Variants in ZFPM2 observed in about 807,000 individuals in gnomAD.
The protein encoded by ZFPM2 is zinc finger protein ZFPM2.
Under a neutral mutation model 98.6 loss-of-function variants are expected in ZFPM2, and 20 were observed. The ratio of observed to expected loss-of-function variants is 0.20; its 90% confidence interval spans 0.14 to 0.29. The LOEUF (loss-of-function observed/expected upper bound fraction) is 0.29. Among genes scored for constraint, ZFPM2 ranks in the 10% least tolerant of loss-of-function variants. The pLI is 1.00. For missense variants in ZFPM2, 1,310 were observed against 1,388.6 expected, an observed-to-expected ratio of 0.94 and a Z score of 0.90; for synonymous variants, 518 against 502.7, an observed-to-expected ratio of 1.03 and a Z score of -0.41.
At chr8:105,523,943 G>T (rs1382844814) in intron 3 of ZFPM2, among the ~76,000 whole-genome samples, 1 of 152,126 alleles carries the variant, frequency 6.6e-6, no homozygotes, top group Non-Finnish European at 1.5e-5. Context: ...CTGCCCATGT[G>T]CAAGTCCTGA....
At chr8:105,414,605 CCT>C (rs891426548) in intron 1 of ZFPM2, among the ~76,000 whole-genome samples, 3 of 151,732 alleles carry the variant, frequency 2.0e-5, no homozygotes, top group Non-Finnish European at 4.4e-5. Flanking sequence ...CGCATCCCCC[CCT>C]TTTTTTTTTC....
chr8:105,527,008 A>G (rs34013567), intron 3 of ZFPM2, among the ~76,000 whole-genome samples: 21,092 of 152,122 alleles, frequency 0.14, 1,608 homozygotes, highest in Non-Finnish European at 0.18. Flanking sequence ...AGCAGCATGT[A>G]TTTCCTAGGG....
rs180959844 is a variant in ZFPM2 at position 105,388,286 on chromosome 8, C to G, written c.41-30858C>G. ...GGGGAACAACTCATACCATTAGTGA[C>G]AGTAAAAAAGGAAAGAGAAGAAGAA... On this transcript the variant is annotated intron_variant, in intron 1 of 7. Coordinates refer to ENST00000407775, the MANE Select transcript of ZFPM2 (RefSeq NM_012082.4). Among the ~76,000 whole-genome samples the G allele has an allele frequency of 4.1e-5, 6 of 146,018 alleles. No individual in the cohort carries two copies. The East Asian group carries it at 1.2e-3, about 29-fold the overall frequency.
chr8:105,358,146 C>A (rs906380550), intron 1 of ZFPM2, among the ~76,000 whole-genome samples: 1 of 152,082 alleles, frequency 6.6e-6, no homozygotes, highest in Non-Finnish European at 1.5e-5. Flanking sequence ...TGTTATATCA[C>A]CCCTGGAGAT....
intron 5 of ZFPM2, among the ~76,000 whole-genome samples, chr8:105,651,196 C>T (rs1191872794): frequency 6.6e-6 from 1 of 151,990 alleles, no homozygotes; most frequent in Non-Finnish European, 1.5e-5. Context: ...TATGTATTTT[C>T]CTTTGACTAC....
At chr8:105,777,066 T>C (rs1301128038) in intron 5 of ZFPM2, among the ~76,000 whole-genome samples, 1 of 152,180 alleles carries the variant, frequency 6.6e-6, no homozygotes, top group Non-Finnish European at 1.5e-5. Flanking sequence ...CCACATGGGT[T>C]AGTCAAGTTT....
chr8:105,649,037 G>A (rs1175326195), intron 5 of ZFPM2, among the ~76,000 whole-genome samples: 1 of 152,096 alleles, frequency 6.6e-6, no homozygotes, highest in African/African-American at 2.4e-5. Flanking sequence ...ATTTGTTTGT[G>A]TCCTCTTTTA....
At chr8:105,632,529 G>T (rs1297664405) in intron 4 of ZFPM2, among the ~76,000 whole-genome samples, 1 of 152,016 alleles carries the variant, frequency 6.6e-6, no homozygotes, top group African/African-American at 2.4e-5. Flanking sequence ...AGCAAAATAT[G>T]CATCATTAGG....
At chr8:105,552,123 T>G (rs1471596535) in intron 3 of ZFPM2, among the ~76,000 whole-genome samples, 1 of 152,220 alleles carries the variant, frequency 6.6e-6, no homozygotes, top group East Asian at 1.9e-4. Context: ...TATTTCTTCC[T>G]ATCTTGTCAT....
chr8:105,673,563 T>A (rs1817636957), intron 5 of ZFPM2, among the ~76,000 whole-genome samples: 1 of 152,094 alleles, frequency 6.6e-6, no homozygotes, highest in African/African-American at 2.4e-5. Flanking sequence ...AAATTACATT[T>A]CCTTCCTTTG....
chr8:105,549,313 T>C (rs565578150), intron 3 of ZFPM2, among the ~76,000 whole-genome samples: 31 of 152,300 alleles, frequency 2.0e-4, no homozygotes, highest in Middle Eastern at 3.4e-3. Context: ...ATGTGTGATA[T>C]AGATGTATTT....
At chr8:105,585,420 T>C (rs988627361) in intron 4 of ZFPM2, among the ~76,000 whole-genome samples, 6 of 152,234 alleles carry the variant, frequency 3.9e-5, no homozygotes, top group African/African-American at 1.4e-4. Flanking sequence ...ACTTATTATT[T>C]GTCTGAAATG....
At chr8:105,752,505 T>G (rs1287633108) in intron 5 of ZFPM2, among the ~76,000 whole-genome samples, 2 of 152,180 alleles carry the variant, frequency 1.3e-5, no homozygotes, top group Non-Finnish European at 2.9e-5. Flanking sequence ...CAGTTGGTTG[T>G]TTGTGGCAAC....
chr8:105,329,206 G>T (rs1316689440), intron 1 of ZFPM2, among the ~76,000 whole-genome samples: 3 of 151,852 alleles, frequency 2.0e-5, no homozygotes, highest in Non-Finnish European at 2.9e-5. Context: ...GGGATCAGAT[G>T]ATTTGGCTTT....
intron 1 of ZFPM2, among the ~76,000 whole-genome samples, chr8:105,320,090 A>G (rs1247686273): frequency 6.6e-6 from 1 of 152,100 alleles, no homozygotes; most frequent in South Asian, 2.1e-4. Context: ...TAAGGATAAG[A>G]CTTTAGTAGT....
intron 1 of ZFPM2, among the ~76,000 whole-genome samples, chr8:105,351,102 G>A (rs1812633538): frequency 6.7e-6 from 1 of 149,832 alleles, no homozygotes; most frequent in Admixed American, 6.7e-5. Context: ...AGAATCGCTT[G>A]AACCTGGGAG....
intron 1 of ZFPM2, among the ~76,000 whole-genome samples, chr8:105,326,421 A>C (rs576355176): frequency 6.6e-6 from 1 of 151,844 alleles, no homozygotes; most frequent in Non-Finnish European, 1.5e-5. Context: ...TGGGCACTAA[A>C]TACACTTAAA....
At chr8:105,499,135 G>A (rs765166948) in intron 3 of ZFPM2, among the ~76,000 whole-genome samples, 7 of 151,804 alleles carry the variant, frequency 4.6e-5, no homozygotes, top group Admixed American at 2.0e-4. Flanking sequence ...CCCACCCTTA[G>A]CCCTTCCCTC....
intron 5 of ZFPM2, among the ~76,000 whole-genome samples, chr8:105,764,601 T>C (rs1200617703): frequency 6.6e-6 from 1 of 151,844 alleles, no homozygotes; most frequent in Non-Finnish European, 1.5e-5. Context: ...TTCAAGAATG[T>C]GAAAGGAGTA....
Sources: gnomAD v4.1 joint callset for allele counts (sites outside exome capture counted in the v4.1 genomes callset) on GRCh38, gnomAD v4.1.1 for gene constraint, MANE v1.5 for transcripts, NCBI Gene and HGNC (gene_info 2026-07-23, HGNC 2026-07-21) for gene names.